Variants in TENM4 observed in about 807,000 individuals in gnomAD.
TENM4 encodes teneurin-4.
A neutral mutation model predicts 243.3 loss-of-function variants in TENM4; 82 were observed. The observed-to-expected ratio is 0.34, with a 90% CI of 0.28 to 0.40. TENM4 has a LOEUF of 0.40. Among genes scored for constraint, TENM4 ranks in the 10% least tolerant of loss-of-function variants. TENM4 has a pLI of 1.00. For missense variants in TENM4, 3,138 were observed against 3,673.3 expected (o/e 0.85, Z 3.77); for synonymous variants, 1,412 against 1,456.3 (o/e 0.97, Z 0.69).
At chr11:79,047,234 C>G (rs574809170) in intron 6 of TENM4, among the ~76,000 whole-genome samples, 1 of 152,298 alleles carries the variant, frequency 6.6e-6, no homozygotes, top group African/African-American at 2.4e-5. Context: ...AATTCCCCCT[C>G]CCTCCACAAA....
intron 1 of TENM4, among the ~76,000 whole-genome samples, chr11:79,394,807 G>A (rs1858307396): frequency 1.3e-5 from 2 of 152,176 alleles, no homozygotes; most frequent in Admixed American, 1.3e-4. Flanking sequence ...CACACAGAGT[G>A]GGGAAACCAC....
At chr11:78,900,681 G>A (rs1855908579) in intron 7 of TENM4, among the ~76,000 whole-genome samples, 1 of 152,120 alleles carries the variant, frequency 6.6e-6, no homozygotes, top group South Asian at 2.1e-4. Flanking sequence ...TTATAGATGA[G>A]GAAATCAAGG....
Position 79,215,814 on chromosome 11 carries a change from C to T in TENM4, c.-169G>A. On this transcript the variant is annotated 5_prime_UTR_variant, in exon 3 of 34. The change creates a premature stop within an existing upstream ORF in the 5' untranslated region. Coordinates refer to ENST00000278550, the MANE Select transcript of TENM4 (RefSeq NM_001098816.3). ...AGCAGACAAGGGGACTGACCTGGCT[C>T]CATGTCAGCACGTTCTGAAGAGTCA... The T allele has an allele frequency of 2.0e-6, 2 of 985,924 alleles. No homozygotes were observed. The highest frequency in any genetic ancestry group is 4.7e-5 in the South Asian group (1 of 21,282). The allele number at this position is 985,924 out of a possible 1,614,324, so 61.1% of individuals were successfully genotyped here. A position where few individuals can be genotyped will look rare whatever the true frequency, so the allele number is the denominator to read the frequency against.
intron 15 of TENM4, 31 bp from the exon 16 acceptor site, chr11:78,787,114 C>G: frequency 6.6e-7 from 1 of 1,520,608 alleles, no homozygotes; most frequent in South Asian, 1.3e-5. Flanking sequence ...AGGGAGGACA[C>G]CAGGGCCAGG....
At chr11:79,374,219 C>T (rs1020609048) in intron 1 of TENM4, among the ~76,000 whole-genome samples, 5 of 152,098 alleles carry the variant, frequency 3.3e-5, no homozygotes, top group African/African-American at 7.2e-5. Flanking sequence ...CCCTCCAAAT[C>T]GCCTCCAACA....
chr11:78,902,185 G>A (rs1371364765), intron 7 of TENM4, among the ~76,000 whole-genome samples: 1 of 152,210 alleles, frequency 6.6e-6, no homozygotes, highest in Non-Finnish European at 1.5e-5. Context: ...ACAGTTTAGA[G>A]AAAGGGAAAG....
intron 6 of TENM4, among the ~76,000 whole-genome samples, chr11:78,938,138 G>C (rs1856825163): frequency 6.6e-6 from 1 of 152,194 alleles, no homozygotes; most frequent in Non-Finnish European, 1.5e-5. Flanking sequence ...ACTATCTACA[G>C]AATAAAGTGT....
Position 79,064,941 on chromosome 11 carries a change from C to A in TENM4, c.290G>T (p.Arg97Leu). The part of the protein sequence containing the change: ...EVTPPHGTLY[R>L]TDIGLPHCGY... ...GCAGTGGGGGAGGCCAATGTCTGTC[C>A]GGTACAGGGTCCCGTGAGGGGGCGT... is the stretch of plus-strand genomic sequence containing the variant. Residue 97 changes from arginine (R) to leucine (L), a missense_variant, in exon 6 of 34, where the codon CGG becomes CTG. Arg to Leu is a moderately radical substitution (Grantham distance 102). Coordinates refer to ENST00000278550, the MANE Select transcript of TENM4 (RefSeq NM_001098816.3). 1.3e-6 allele frequency: 2 copies of A among 1,525,370 alleles called. No homozygotes were observed. The highest frequency in any genetic ancestry group is 4.9e-5 in the East Asian group (2 of 40,434). 94.5% of individuals were successfully genotyped at this position (1,525,370 alleles called of 1,614,324 possible). A position where few individuals can be genotyped will look rare whatever the true frequency, so the allele number is the denominator to read the frequency against.
chr11:78,856,022 C>T lies in TENM4; in HGVS notation c.1412G>A (p.Gly471Glu), dbSNP rs2136207802. Residue 471 changes from glycine to glutamate, a missense_variant, in exon 11 of 34, where the codon GGA (glycine) becomes GAA (glutamate). Transcript: ENST00000278550. ...PVHLKFNVSLGKAALVGIYGR... is the reference protein window; with the variant it reads ...PVHLKFNVSLEKAALVGIYGR... ...ATAAATGCCAACCAGGGCTGCCTTT[C>T]CCAGAGACACATTGAATTTCAGATG... is the stretch of plus-strand genomic sequence containing the variant. 1.3e-6 allele frequency: 2 copies of T among 1,551,698 alleles called. No homozygotes were observed. Among genetic ancestry groups the T allele is most frequent in the Non-Finnish European group, 1.7e-6 (2 of 1,146,990 alleles).
chr11:79,379,190 T>C (rs969028375), intron 1 of TENM4, among the ~76,000 whole-genome samples: 1 of 152,116 alleles, frequency 6.6e-6, no homozygotes, highest in Non-Finnish European at 1.5e-5. Flanking sequence ...GAAAGGCTCG[T>C]GGGTTCAAGG....
intron 1 of TENM4, among the ~76,000 whole-genome samples, chr11:79,307,284 G>A (rs538669447): frequency 3.9e-5 from 6 of 152,204 alleles, no homozygotes; most frequent in African/African-American, 9.6e-5. Flanking sequence ...AACTCAGAGC[G>A]CCAACAACCC....
intron 3 of TENM4, among the ~76,000 whole-genome samples, chr11:79,180,838 A>G (rs187165525): frequency 1.3e-5 from 2 of 151,454 alleles, no homozygotes; most frequent in Admixed American, 6.6e-5. Flanking sequence ...AGACAAATAG[A>G]TTATCTGAAT....
chr11:79,065,082 C>T (rs1424294526), intron 5 of TENM4, 75 bp from the exon 6 acceptor site: 20 of 1,425,974 alleles, frequency 1.4e-5, no homozygotes, highest in Non-Finnish European at 1.8e-5. Context: ...GAAGCCTGGC[C>T]TTCTTACCCC....
intron 1 of TENM4, among the ~76,000 whole-genome samples, chr11:79,416,791 T>C (rs1316766029): frequency 6.6e-6 from 1 of 152,164 alleles, no homozygotes; most frequent in African/African-American, 2.4e-5. Context: ...CTGTAGGGTA[T>C]GCCTGCTACT....
chr11:79,370,917 T>C (rs1857772247), intron 1 of TENM4, among the ~76,000 whole-genome samples: 1 of 152,066 alleles, frequency 6.6e-6, no homozygotes, highest in African/African-American at 2.4e-5. Context: ...GGATTGGTAT[T>C]TATAATACAC....
At chr11:79,413,779 A>G (rs1858752741) in intron 1 of TENM4, among the ~76,000 whole-genome samples, 1 of 152,236 alleles carries the variant, frequency 6.6e-6, no homozygotes, top group Non-Finnish European at 1.5e-5. Flanking sequence ...TTTCTTAGGA[A>G]TAAACATCAT....
At chr11:79,075,651 T>C (rs986836899) in intron 4 of TENM4, among the ~76,000 whole-genome samples, 3 of 152,216 alleles carry the variant, frequency 2.0e-5, no homozygotes, top group Admixed American at 2.0e-4. Flanking sequence ...AGCTCAGTCA[T>C]TGTAGGCCTC....
At chr11:78,974,706 T>C (rs1343967792) in intron 6 of TENM4, among the ~76,000 whole-genome samples, 1 of 143,924 alleles carries the variant, frequency 6.9e-6, no homozygotes, top group African/African-American at 2.8e-5. Flanking sequence ...CTTTTCTTTC[T>C]GTTTTTCTTT....
rs774305028 is a variant in TENM4 at position 78,658,336 on chromosome 11, G to A, written c.8032C>T (p.Arg2678Cys). The A allele has an allele frequency of 1.1e-5, 17 of 1,613,484 alleles. No individual in the cohort carries two copies. Among genetic ancestry groups the A allele is most frequent in the Non-Finnish European group, 1.3e-5 (15 of 1,179,674 alleles). The change falls in exon 34 of 34, where the codon CGC (arginine) becomes TGC (cysteine). Residue 2678 changes from arginine (R) to cysteine (C), a missense_variant. Arg to Cys is a radical substitution (Grantham distance 180). Coordinates refer to ENST00000278550, the MANE Select transcript of TENM4 (RefSeq NM_001098816.3). The stretch of plus-strand genomic sequence containing the variant: ...TCCTCATCCAACGTTGTCCCGTAGC[G>A]TGTGTTCAAGCACAGTGCCCCGTAC... ...LQYGALCLNTRYGTTLDEEKA... is the reference protein window; with the variant it reads ...LQYGALCLNTCYGTTLDEEKA...
Sources: allele counts gnomAD v4.1 joint callset (sites outside exome capture counted in the v4.1 genomes callset), GRCh38; gene constraint gnomAD v4.1.1; transcripts MANE v1.5; gene names NCBI Gene and HGNC (gene_info 2026-07-23, HGNC 2026-07-21).